Variants in SAMD14 observed in about 807,000 individuals in gnomAD.
SAMD14 encodes the protein sterile alpha motif domain containing 14, also known as sterile alpha motif domain-containing protein 14.
SAMD14 carries 27 observed loss-of-function variants against 46.2 expected under a neutral mutation model. The ratio of observed to expected loss-of-function variants is 0.58; its 90% CI spans 0.43 to 0.81. The LOEUF (loss-of-function observed/expected upper bound fraction) is 0.81, where lower values mean the gene tolerates loss of function less well. Among genes scored for constraint, SAMD14 ranks in the 30% least tolerant of loss-of-function variants. The pLI, the probability that SAMD14 is intolerant of heterozygous loss-of-function variation, is 0.00. For missense variants in SAMD14, 559 were observed against 582.2 expected (o/e 0.96, Z 0.41); for synonymous variants, 241 against 254.3 (o/e 0.95, Z 0.50).
chr17:50,124,566 C>T (rs1412509197), intron 2 of SAMD14, among the ~76,000 whole-genome samples: 3 of 152,106 alleles, frequency 2.0e-5, no homozygotes, highest in African/African-American at 4.8e-5. Context: ...CCTCTGTACC[C>T]TACACTCCTG....
intron 4 of SAMD14, chr17:50,116,305 G>C (rs952854797): frequency 1.4e-5 from 9 of 628,776 alleles, no homozygotes; most frequent in Non-Finnish European, 2.1e-5. Flanking sequence ...TGCTTCATGG[G>C]ACCTAATGGG....
intron 1 of SAMD14, among the ~76,000 whole-genome samples, chr17:50,127,555 C>T (rs1046526565): frequency 4.6e-5 from 7 of 151,834 alleles, no homozygotes; most frequent in Non-Finnish European, 7.4e-5. Flanking sequence ...GAGCCGAGAT[C>T]GTGCCATTGC....
At chr17:50,114,494 G>C in intron 7 of SAMD14, 188 bp from the exon 8 acceptor site, 1 of 1,546,988 alleles carries the variant, frequency 6.5e-7, no homozygotes, top group Admixed American at 1.8e-5. Flanking sequence ...AAGCCTTTGG[G>C]AGAGCAGGCA....
intron 4 of SAMD14, among the ~76,000 whole-genome samples, chr17:50,116,592 A>G (rs1911221352): frequency 6.6e-6 from 1 of 152,034 alleles, no homozygotes. Flanking sequence ...TTTTTAGTTC[A>G]GACAGGGTTT....
chr17:50,118,559 C>T lies in SAMD14; in HGVS notation c.44-232G>A, dbSNP rs1311349614. On this transcript the variant is annotated intron_variant, in intron 2 of 9. Coordinates refer to ENST00000330175, the MANE Select transcript of SAMD14 (RefSeq NM_001257359.2). ...CTAAAATACAGCGCCGTGTGATGAA[C>T]CCTCCTGTAGACACGGAGGAACGGC... is the stretch of plus-strand genomic sequence containing the variant. Among the ~76,000 whole-genome samples, 5 of 152,216 alleles carry T rather than the reference C, an allele frequency of 3.3e-5. No homozygotes were observed. The East Asian group carries it at 9.6e-4, about 29-fold the overall frequency.
rs1473363575 is a variant in SAMD14, at chr17:50,117,564, C to T, written c.342G>A (p.Pro114=). Residue 114 remains proline (P), a synonymous_variant, in exon 4 of 10, where the codon CCG becomes CCA. Coordinates refer to ENST00000330175, the MANE Select transcript of SAMD14 (RefSeq NM_001257359.2). ...GLRRSLDEDE[P]PPSPLTRYRP... ...GGTAGCGTGTGAGCGGCGAGGGCGG[C>T]GGCTCGTCCTCGTCCAGGCTGCGCC... is the stretch of plus-strand genomic sequence containing the variant. The T allele has an allele frequency of 2.6e-6, 4 of 1,549,926 alleles. No homozygotes were observed. The highest frequency in any genetic ancestry group is 2.5e-5 in the East Asian group (1 of 39,670).
chr17:50,120,156 G>A (rs1301934492), intron 2 of SAMD14, among the ~76,000 whole-genome samples: 1 of 152,076 alleles, frequency 6.6e-6, no homozygotes, highest in East Asian at 1.9e-4. Flanking sequence ...GTTGAGGCTG[G>A]GTAATGAGTT....
At chr17:50,114,636 C>G in intron 7 of SAMD14, 1 of 562,912 alleles carries the variant, frequency 1.8e-6, no homozygotes, top group Non-Finnish European at 3.1e-6. Flanking sequence ...CTGCTATGCG[C>G]CTCCCGCCTG....
chr17:50,125,905 G>A lies in SAMD14; in HGVS notation c.-12-934C>T, dbSNP rs572315374. The stretch of plus-strand genomic sequence containing the variant: ...CTGGGAAGAAGTGTGAATGGGTAGG[G>A]TTTTTTTTGTTTTGGTTCAAGGTTT... On this transcript the variant is annotated intron_variant, in intron 1 of 9. Coordinates refer to ENST00000330175, the MANE Select transcript of SAMD14 (RefSeq NM_001257359.2). 5.3e-5 allele frequency among the ~76,000 whole-genome samples: 8 copies of A among 152,186 alleles called. No homozygotes were observed. The South Asian group carries it at 1.7e-3, about 32-fold the overall frequency.
chr17:50,110,209 C>A lies in SAMD14; in HGVS notation c.*2684G>T. The A allele has an allele frequency of 2.5e-6, 3 of 1,204,468 alleles. No individual in the cohort carries two copies. The highest frequency in any genetic ancestry group is 3.4e-6 in the Non-Finnish European group (3 of 879,936). The allele number at this position is 1,204,468 out of a possible 1,614,324, so 74.6% of individuals were successfully genotyped here. A position where few individuals can be genotyped will look rare whatever the true frequency, so the allele number is the denominator to read the frequency against. ...GCAGGGGGTGGGTTCTCCCTGATGACCAGGTTCTGTCTCTATGGAAGTCAC... is the reference window on the plus strand; with the variant it reads ...GCAGGGGGTGGGTTCTCCCTGATGAACAGGTTCTGTCTCTATGGAAGTCAC... On this transcript the variant is annotated 3_prime_UTR_variant, in exon 10 of 10. Coordinates refer to ENST00000330175, the MANE Select transcript of SAMD14 (RefSeq NM_001257359.2).
rs1911916497 is a variant in SAMD14 at position 50,129,163 on chromosome 17, T to G, written c.-13+354A>C. On this transcript the variant is annotated intron_variant, in intron 1 of 9. Transcript: ENST00000330175. The surrounding 1 kb of genome is among the most constrained non-coding windows in gnomAD (Gnocchi z 5.6). Reference sequence around the variant, plus strand: ...GTGAGGTTGGGGACAGGGCACCTACTCCACTCTCAGAGCCCTTCTCCCCAG... The same window carrying G: ...GTGAGGTTGGGGACAGGGCACCTACGCCACTCTCAGAGCCCTTCTCCCCAG... Among the ~76,000 whole-genome samples, 1 of 151,996 alleles carries G rather than the reference T, an allele frequency of 6.6e-6. No homozygotes were observed. Among genetic ancestry groups the G allele is most frequent in the Non-Finnish European group, 1.5e-5 (1 of 67,966 alleles).
chr17:50,124,025 T>A, intron 2 of SAMD14: 2 of 452,394 alleles, frequency 4.4e-6, no homozygotes, highest in South Asian at 3.1e-5. Flanking sequence ...AAGGGAGAGA[T>A]GAGGAGAAGC....
In SAMD14 at chr17:50,117,704, G is replaced by A. The variant is rs1396443700; in HGVS notation, c.211-9C>T. 1.4e-6 allele frequency: 2 copies of A among 1,430,742 alleles called. No individual in the cohort carries two copies. The highest frequency in any genetic ancestry group is 1.5e-5 in the South Asian group (1 of 66,692). The allele number at this position is 1,430,742 out of a possible 1,614,324, so 88.6% of individuals were successfully genotyped here. A position where few individuals can be genotyped will look rare whatever the true frequency, so the allele number is the denominator to read the frequency against. On this transcript the variant is annotated splice_polypyrimidine_tract_variant and intron_variant, in intron 3 of 9. Transcript: ENST00000330175. ...CCGCAGCCATCGGTCACCTGGACGAGGGGGCAGCCGCTCACCGAGAACCCT... is the reference window on the plus strand; with the variant it reads ...CCGCAGCCATCGGTCACCTGGACGAAGGGGCAGCCGCTCACCGAGAACCCT...
At chr17:50,114,355 AC>A in intron 7 of SAMD14, 49 bp from the exon 8 acceptor site, 2 of 1,613,948 alleles carry the variant, frequency 1.2e-6, no homozygotes, top group Admixed American at 3.3e-5. Context: ...CCCCCAACCC[AC>A]CATCCCTATC....
At chr17:50,116,389 A>C in intron 4 of SAMD14, 1 of 213,992 alleles carries the variant, frequency 4.7e-6, no homozygotes, top group Non-Finnish European at 9.0e-6. Context: ...ACTCAATTTT[A>C]TCCTGGCCAA....
chr17:50,125,478 G>A (rs1911722443), intron 1 of SAMD14: 1 of 166,226 alleles, frequency 6.0e-6, no homozygotes, highest in African/African-American at 2.4e-5. Flanking sequence ...TCAGGACCAG[G>A]ACCCAGGTTC....
intron 2 of SAMD14, 87 bp downstream of exon 2, chr17:50,124,830 C>T: frequency 7.8e-7 from 1 of 1,279,498 alleles, no homozygotes; most frequent in Admixed American, 1.7e-5. Flanking sequence ...CAAGAAGCAC[C>T]CTATCCCCTT....
Position 50,110,883 on chromosome 17 carries a change from A to C in SAMD14, c.*2010T>G, listed in dbSNP as rs1265500453. 2 of 152,286 alleles carry C rather than the reference A, an allele frequency of 1.3e-5. No individual in the cohort carries two copies. Among genetic ancestry groups the C allele is most frequent in the African/African-American group, 2.4e-5 (1 of 41,370 alleles). 9.4% of individuals were successfully genotyped at this position (152,286 alleles called of 1,614,324 possible). ...CCCCCAGCCCCCACTGTGCCCAGAC[A>C]TGTGTGCTCAGGGTGGCTTTCTCCC... On this transcript the variant is annotated 3_prime_UTR_variant, in exon 10 of 10. Coordinates refer to ENST00000330175, the MANE Select transcript of SAMD14 (RefSeq NM_001257359.2).
intron 1 of SAMD14, among the ~76,000 whole-genome samples, chr17:50,125,570 C>T (rs1001932917): frequency 2.0e-5 from 3 of 152,142 alleles, no homozygotes; most frequent in African/African-American, 7.2e-5. Context: ...ATCTATCCAC[C>T]CATCCGTCCA....
Sources: gnomAD v4.1 joint callset for allele counts (sites outside exome capture counted in the v4.1 genomes callset) on GRCh38, gnomAD v4.1.1 for gene constraint, Gnocchi (gnomAD v3.1) non-coding constraint, MANE v1.5 for transcripts, NCBI Gene and HGNC (gene_info 2026-07-23, HGNC 2026-07-21) for gene names.